The following DROSHA variants were observed in gnomAD, a reference collection of about 807,000 sequenced individuals.
DROSHA encodes drosha ribonuclease III, also known as ribonuclease 3.
Under a neutral mutation model 181.9 loss-of-function variants are expected in DROSHA, and 56 were observed. That is an observed-to-expected ratio of 0.31 (90% CI 0.25 to 0.38). The LOEUF is 0.38. DROSHA is among the 10% of genes least tolerant of loss of function. DROSHA has a pLI of 1.00. For missense variants in DROSHA, 1,218 were observed against 1,743.5 expected, an observed-to-expected ratio of 0.70 and a Z score of 5.37; for synonymous variants, 524 against 591.2, an observed-to-expected ratio of 0.89 and a Z score of 1.65.
chr5:31,405,654 T>A lies in DROSHA; in HGVS notation c.3994+23A>T, dbSNP rs772206875. ...ACACTCATTACATTATGAACATAAT[T>A]ATAGAAAAAAAAACAGGCTTACATT... is the stretch of plus-strand genomic sequence containing the variant. On this transcript the variant is annotated intron_variant, in intron 35 of 35. Coordinates refer to ENST00000344624, the MANE Select transcript of DROSHA (RefSeq NM_001382508.1). 7.8e-6 allele frequency: 12 copies of A among 1,542,942 alleles called. No individual in the cohort carries two copies. In the East Asian group the frequency reaches 2.6e-4, roughly 34 times the overall value.
At chr5:31,448,443 T>C in intron 23 of DROSHA, 104 bp downstream of exon 23, 1 of 1,016,712 alleles carries the variant, frequency 9.8e-7, no homozygotes. Context: ...ATACACAATT[T>C]TGTGAACATA....
intron 30 of DROSHA, among the ~76,000 whole-genome samples, chr5:31,418,331 C>A (rs1742228012): frequency 6.6e-6 from 1 of 151,892 alleles, no homozygotes; most frequent in African/African-American, 2.4e-5. Flanking sequence ...TGTTGCCCAG[C>A]CTGGAGTGCA....
chr5:31,410,671 A>C, intron 31 of DROSHA, 75 bp downstream of exon 31: 1 of 1,502,596 alleles, frequency 6.7e-7, no homozygotes, highest in Non-Finnish European at 8.9e-7. Context: ...AATAATAATG[A>C]GGAGGAGGAC....
At chr5:31,501,533 C>T (rs1753569496) in intron 11 of DROSHA, among the ~76,000 whole-genome samples, 1 of 151,916 alleles carries the variant, frequency 6.6e-6, no homozygotes, top group South Asian at 2.1e-4. Context: ...TAAGTGCCAC[C>T]CTTAAGGATC....
chr5:31,450,802 T>C (rs576425852), intron 21 of DROSHA, among the ~76,000 whole-genome samples: 2 of 152,238 alleles, frequency 1.3e-5, no homozygotes, highest in African/African-American at 2.4e-5. Context: ...CAAAAACCAC[T>C]TGTACCCCTA....
chr5:31,464,232 C>T lies in DROSHA; in HGVS notation c.2574+4G>A, dbSNP rs751805427. ...CATAACTGTGTCCTCAGAAGTCTCC[C>T]CACCTGACAGACATCAGAACGGATG... On this transcript the variant is annotated splice_donor_region_variant and intron_variant, in intron 20 of 35. Transcript: ENST00000344624. 1.2e-6 allele frequency: 2 copies of T among 1,613,062 alleles called. No homozygotes were observed. Among genetic ancestry groups the T allele is most frequent in the East Asian group, 4.5e-5 (2 of 44,836 alleles).
intron 8 of DROSHA, among the ~76,000 whole-genome samples, chr5:31,512,636 G>T (rs2150055314): frequency 6.6e-6 from 1 of 152,294 alleles, no homozygotes; most frequent in South Asian, 2.1e-4. Flanking sequence ...CAGCTGGGTG[G>T]ACCCAATCTT....
intron 16 of DROSHA, among the ~76,000 whole-genome samples, chr5:31,481,182 T>C (rs776465048): frequency 7.9e-5 from 12 of 152,220 alleles, no homozygotes; most frequent in Non-Finnish European, 1.6e-4. Context: ...TCCTATCTAA[T>C]ACCAAAATGC....
chr5:31,405,760 C>T, intron 34 of DROSHA, 37 bp from the exon 35 acceptor site: 2 of 470,138 alleles, frequency 4.3e-6, no homozygotes, highest in East Asian at 5.2e-5. Context: ...ACTTTAATTT[C>T]AAGATTCTTT....
chr5:31,485,684 TTTTTC>T lies in DROSHA; in HGVS notation c.1915-727_1915-723del, dbSNP rs547185296. 8.6e-4 allele frequency among the ~76,000 whole-genome samples: 130 copies of T among 150,420 alleles called. 3 individuals carry two copies. The South Asian group carries it at 0.027, about 31-fold the overall frequency. On this transcript the variant is annotated intron_variant, in intron 14 of 35. Transcript: ENST00000344624. Reference sequence around the variant, plus strand: ...AAGCAGGAGAATGAAGGGGTGGTTCTTTTTCTTTAATTCTTTTTGAAAGGAAGGTA... The same window carrying T: ...AAGCAGGAGAATGAAGGGGTGGTTCTTTTAATTCTTTTTGAAAGGAAGGTA...
intron 23 of DROSHA, among the ~76,000 whole-genome samples, chr5:31,445,354 G>GA (rs1338285699): frequency 6.6e-6 from 1 of 152,062 alleles, no homozygotes; most frequent in African/African-American, 2.4e-5. Flanking sequence ...AAGGCCTCAA[G>GA]ACCACACATA....
intron 35 of DROSHA, among the ~76,000 whole-genome samples, chr5:31,403,658 A>T (rs1406235169): frequency 6.6e-6 from 1 of 152,200 alleles, no homozygotes; most frequent in Non-Finnish European, 1.5e-5. Flanking sequence ...TGTTTTTATA[A>T]ATTTTTATTG....
chr5:31,531,724 T>A (rs1310977308), intron 1 of DROSHA, among the ~76,000 whole-genome samples, 199 bp from the exon 2 acceptor site: 4 of 152,158 alleles, frequency 2.6e-5, no homozygotes, highest in Non-Finnish European at 1.5e-5. Context: ...GAGCTCAGGA[T>A]CTCACTCCCC....
At chr5:31,516,363 G>T (rs1377625031) in intron 6 of DROSHA, among the ~76,000 whole-genome samples, 1 of 152,190 alleles carries the variant, frequency 6.6e-6, no homozygotes, top group East Asian at 1.9e-4. Context: ...AAACTGCTTT[G>T]TAAGATCACC....
rs150932646 is a variant in DROSHA, at chr5:31,484,605, G to A, written c.1996+276C>T. Among the ~76,000 whole-genome samples the A allele has an allele frequency of 5.0e-4, 76 of 152,000 alleles. No individual in the cohort carries two copies. In the East Asian group the frequency reaches 0.014, roughly 27 times the overall value. ...ATATTAACTAATGGTAATTTCCCAG[G>A]TACACATATATCAAGGTAGCTACAC... On this transcript the variant is annotated intron_variant, in intron 15 of 35. Coordinates refer to ENST00000344624, the MANE Select transcript of DROSHA (RefSeq NM_001382508.1).
chr5:31,493,951 G>GTA (rs1173886516), intron 12 of DROSHA, among the ~76,000 whole-genome samples: 1 of 46,642 alleles, frequency 2.1e-5, no homozygotes, highest in African/African-American at 4.0e-5. Context: ...GTGTGTGTGT[G>GTA]TGTGTGTGTG....
intron 27 of DROSHA, among the ~76,000 whole-genome samples, chr5:31,424,810 A>G (rs186442459): frequency 2.5e-3 from 384 of 152,302 alleles, no homozygotes; most frequent in Non-Finnish European, 4.6e-3. Flanking sequence ...CATTGTCCAG[A>G]AATGTGCATC....
At chr5:31,437,188 C>A in intron 24 of DROSHA, 51 bp downstream of exon 24, 1 of 1,512,946 alleles carries the variant, frequency 6.6e-7, no homozygotes, top group Non-Finnish European at 9.0e-7. Flanking sequence ...AGTATGTTAC[C>A]TATAAAATGT....
chr5:31,455,006 T>C (rs770215577), intron 20 of DROSHA, among the ~76,000 whole-genome samples: 2 of 149,736 alleles, frequency 1.3e-5, no homozygotes, highest in African/African-American at 2.5e-5. Context: ...GAAAAGAAAT[T>C]ACTAAAACAA....
Sources: allele counts gnomAD v4.1 joint callset (sites outside exome capture counted in the v4.1 genomes callset), GRCh38; gene constraint gnomAD v4.1.1; transcripts MANE v1.5; gene names NCBI Gene and HGNC (gene_info 2026-07-23, HGNC 2026-07-21).